The following COL6A2 variants were observed in gnomAD, a reference collection of about 807,000 sequenced individuals.
COL6A2 encodes the protein collagen alpha-2(VI) chain.
Under a neutral mutation model 124.9 loss-of-function variants are expected in COL6A2, and 90 were observed. That is an observed-to-expected ratio of 0.72 (90% CI 0.61 to 0.86). COL6A2 has a LOEUF of 0.86. Ranked by LOEUF, COL6A2 falls within the 40% of genes least tolerant of loss-of-function variation. The probability of loss-of-function intolerance (pLI) is 0.00; values close to 1 mark genes in which losing one functional copy is unlikely to be tolerated. For missense variants in COL6A2, 1,607 were observed against 1,502.5 expected (o/e 1.07, Z -1.15); for synonymous variants, 793 against 618.2 (o/e 1.28, Z -4.19).
At chr21:46,119,286 A>AC (rs971345409) in intron 14 of COL6A2, among the ~76,000 whole-genome samples, 167 bp downstream of exon 14, 4 of 151,826 alleles carry the variant, frequency 2.6e-5, no homozygotes, top group Non-Finnish European at 5.9e-5. Context: ...ACCCCACGGG[A>AC]CCCCCCAGAG....
At chr21:46,130,837 A>G (rs2078750940) in intron 27 of COL6A2, among the ~76,000 whole-genome samples, 1 of 152,162 alleles carries the variant, frequency 6.6e-6, no homozygotes, top group African/African-American at 2.4e-5. Flanking sequence ...CCTTTCACTG[A>G]ATGAGCTGCG....
At chr21:46,123,960 G>C (rs1050323068) in intron 21 of COL6A2, among the ~76,000 whole-genome samples, 31 of 148,820 alleles carry the variant, frequency 2.1e-4, no homozygotes, top group African/African-American at 7.3e-4. Flanking sequence ...TGAGTGGATA[G>C]ATGGGTATGT....
Position 46,116,017 on chromosome 21 carries a change from G to A in COL6A2, c.864G>A (p.Pro288=), listed in dbSNP as rs375307603. ...TGCGTTGTCCTTCACAGGGAGACCC[G>A]GGCATCGAAGGCCCCATTGGATTCC... ...EPGQKGRQGD[P]GIEGPIGFPG... The change falls in exon 7 of 28, where the codon CCG becomes CCA. Residue 288 remains proline, a synonymous_variant. Coordinates refer to ENST00000300527, the MANE Select transcript of COL6A2 (RefSeq NM_001849.4). This position sits in a 1 kb window ranked among gnomAD's most constrained non-coding sequence, Gnocchi z 4.6. 3.9e-5 allele frequency: 62 copies of A among 1,606,566 alleles called. No individual in the cohort carries two copies. The East Asian group carries it at 9.2e-4, about 24-fold the overall frequency.
rs914626259 is a variant in COL6A2, at chr21:46,116,327, G to A, written c.901-50G>A. 2 of 1,606,896 alleles carry A rather than the reference G, an allele frequency of 1.2e-6. No homozygotes were observed. The highest frequency in any genetic ancestry group is 3.3e-4 in the Middle Eastern group (2 of 6,058). ...CTGCAGGGCTGGCCCTTCCCTGCCT[G>A]TGTCTCTGCAGAGCTCCTCACTAAT... On this transcript the variant is annotated intron_variant, in intron 7 of 27. Coordinates refer to ENST00000300527, the MANE Select transcript of COL6A2 (RefSeq NM_001849.4). The surrounding 1 kb of genome is among the most constrained non-coding windows in gnomAD (Gnocchi z 4.6).
At position 46,116,835 on chromosome 21, in the gene COL6A2, A is replaced by G. The variant is rs201951823; in HGVS notation, c.999+21A>G. 130 of 1,612,646 alleles carry G rather than the reference A, an allele frequency of 8.1e-5. No individual in the cohort carries two copies. In the African/African-American group the frequency reaches 1.6e-3, roughly 20 times the overall value. Reference sequence around the variant, plus strand: ...AGAAGGTAGAGGGAGCCTCGGGCTCACAGCTGGACTGGTCTCACAGAGGCA... The same window carrying G: ...AGAAGGTAGAGGGAGCCTCGGGCTCGCAGCTGGACTGGTCTCACAGAGGCA... On this transcript the variant is annotated intron_variant, in intron 10 of 27. Transcript: ENST00000300527. The surrounding 1 kb of genome is among the most constrained non-coding windows in gnomAD (Gnocchi z 4.6).
intron 10 of COL6A2, among the ~76,000 whole-genome samples, 179 bp from the exon 11 acceptor site, chr21:46,117,221 C>T (rs2078486145): frequency 6.6e-6 from 1 of 152,244 alleles, no homozygotes; most frequent in Non-Finnish European, 1.5e-5. Flanking sequence ...TGCACAACGG[C>T]CACTCTGCCT....
At position 46,132,579 on chromosome 21, in the gene COL6A2, G is replaced by C; in HGVS notation, c.*27G>C. 1 of 1,564,990 alleles carries C rather than the reference G, an allele frequency of 6.4e-7. No individual in the cohort carries two copies. Among genetic ancestry groups the C allele is most frequent in the South Asian group, 1.1e-5 (1 of 87,124 alleles). On this transcript the variant is annotated 3_prime_UTR_variant, in exon 28 of 28. Coordinates refer to ENST00000300527, the MANE Select transcript of COL6A2 (RefSeq NM_001849.4). Reference sequence around the variant, plus strand: ...GCCGCCGCCCGGGCCCCGCAGTCGAGGGTCGTGAGCCCACCCCGTCCATGG... The same window carrying C: ...GCCGCCGCCCGGGCCCCGCAGTCGACGGTCGTGAGCCCACCCCGTCCATGG...
intron 21 of COL6A2, among the ~76,000 whole-genome samples, chr21:46,124,247 G>GGAT (rs1433613366): frequency 1.3e-5 from 2 of 151,560 alleles, no homozygotes; most frequent in Non-Finnish European, 2.9e-5. Context: ...CTGGGTGGAT[G>GGAT]GATGGATGGG....
Position 46,132,672 on chromosome 21 carries a change from C to A in COL6A2, c.*120C>A. 9.7e-7 allele frequency: 1 copy of A among 1,031,778 alleles called. No individual in the cohort carries two copies. Among genetic ancestry groups the A allele is most frequent in the Non-Finnish European group, 1.4e-6 (1 of 693,690 alleles). The allele number at this position is 1,031,778 out of a possible 1,614,324, so 63.9% of individuals were successfully genotyped here. On this transcript the variant is annotated 3_prime_UTR_variant, in exon 28 of 28. Transcript: ENST00000300527. ...ACTCGGACGACGCCCTGGGCCTGCA[C>A]CTCTCCAGCTCCTCCCACGGGGTCC...
intron 21 of COL6A2, among the ~76,000 whole-genome samples, chr21:46,123,613 A>C (rs1601242441): frequency 6.6e-6 from 1 of 150,694 alleles, no homozygotes; most frequent in Non-Finnish European, 1.5e-5. Context: ...GGATGAATGG[A>C]TGGATTGCTG....
Position 46,107,927 on chromosome 21 carries a change from C to CT in COL6A2, c.-27-3522dup, listed in dbSNP as rs568983263. Among the ~76,000 whole-genome samples, 430 of 152,268 alleles carry CT rather than the reference C, an allele frequency of 2.8e-3. 1 individual carries two copies. Among genetic ancestry groups the CT allele is most frequent in the African/African-American group, 0.01 (421 of 41,564 alleles). ...ACATGTTCTCAGGACCTCCTAAGGG[C>CT]TGTGTCATGGGTCATGGCCACTCAT... On this transcript the variant is annotated intron_variant, in intron 1 of 27. Coordinates refer to ENST00000300527, the MANE Select transcript of COL6A2 (RefSeq NM_001849.4).
At position 46,132,508 on chromosome 21, in the gene COL6A2, G is replaced by A. The variant is rs1329172134; in HGVS notation, c.3016G>A (p.Ala1006Thr). 6.2e-7 allele frequency: 1 copy of A among 1,607,096 alleles called. No individual in the cohort carries two copies. The highest frequency in any genetic ancestry group is 8.5e-7 in the Non-Finnish European group (1 of 1,179,384). The change falls in exon 28 of 28, where the codon GCG becomes ACG. Residue 1006 changes from alanine to threonine, a missense_variant. Transcript: ENST00000300527. ...CCACGAGAAGGACTATGACAGCCTG[G>A]CGCAACCCGGCTTCTTCGACCGCTT... ...VFHEKDYDSL[A>T]QPGFFDRFIR... is the part of the protein sequence containing the mutation.
intron 20 of COL6A2, 90 bp downstream of exon 20, chr21:46,122,621 G>A: frequency 1.4e-6 from 2 of 1,425,272 alleles, no homozygotes; most frequent in Non-Finnish European, 2.0e-6. Context: ...GTCACTGACA[G>A]GACCACCCCT....
intron 27 of COL6A2, among the ~76,000 whole-genome samples, chr21:46,131,309 T>TGCCCAGGGCTGGTGACC (rs1255530476): frequency 2.0e-5 from 3 of 152,214 alleles, no homozygotes; most frequent in Admixed American, 6.5e-5. Context: ...CTGTCCCCGA[T>TGCCCAGGGCTGGTGACC]GCCCAGGGCT....
intron 27 of COL6A2, 58 bp from the exon 28 acceptor site, chr21:46,131,896 A>G (rs1601266249): frequency 6.7e-7 from 1 of 1,482,594 alleles, no homozygotes; most frequent in East Asian, 2.5e-5. Flanking sequence ...CGGGGCTGGC[A>G]CCTGCCCGGT....
chr21:46,117,471 C>T lies in COL6A2; in HGVS notation c.1053+18C>T. On this transcript the variant is annotated intron_variant, in intron 11 of 27. Transcript: ENST00000300527. Reference sequence around the variant, plus strand: ...GAAACCGGGTAAGGGCCGTTTGCACCCCTCCTTCAGCCTCGGCCCAGGGGG... The same window carrying T: ...GAAACCGGGTAAGGGCCGTTTGCACTCCTCCTTCAGCCTCGGCCCAGGGGG... The T allele has an allele frequency of 1.9e-6, 3 of 1,611,982 alleles. No homozygotes were observed. The highest frequency in any genetic ancestry group is 1.3e-5 in the African/African-American group (1 of 75,014).
chr21:46,129,456 G>T (rs770153478), intron 27 of COL6A2: 17 of 1,601,364 alleles, frequency 1.1e-5, no homozygotes, highest in African/African-American at 1.3e-5. Context: ...CAGGGACATC[G>T]TGGGGGACCC....
chr21:46,132,768 C>A lies in COL6A2; in HGVS notation c.*216C>A. 1.7e-6 allele frequency: 1 copy of A among 596,052 alleles called. No individual in the cohort carries two copies. Among genetic ancestry groups the A allele is most frequent in the East Asian group, 2.8e-5 (1 of 35,576 alleles). The allele number at this position is 596,052 out of a possible 1,614,324, so 36.9% of individuals were successfully genotyped here. A position where few individuals can be genotyped will look rare whatever the true frequency, so the allele number is the denominator to read the frequency against. On this transcript the variant is annotated 3_prime_UTR_variant, in exon 28 of 28. Coordinates refer to ENST00000300527, the MANE Select transcript of COL6A2 (RefSeq NM_001849.4). ...CGCAGGCTGCCCGGCCTCCCTCCCC[C>A]TGCAGCCATCCCAAGGCTCCTGACC...
rs16978913 is a variant in COL6A2 at position 46,131,680 on chromosome 21, G to A, written c.2462-274G>A. ...CAGGAGGGCAGCCTGTGCAGGGATG[G>A]TGCTCAGCAGGTGGACAGGGCCTGG... On this transcript the variant is annotated intron_variant, in intron 27 of 27. Transcript: ENST00000300527. Among the ~76,000 whole-genome samples, 4,559 of 152,266 alleles carry A rather than the reference G, an allele frequency of 0.03. 227 individuals carry two copies. The highest frequency in any genetic ancestry group is 0.1 in the African/African-American group (4,340 of 41,536).
Sources: allele counts gnomAD v4.1 joint callset (sites outside exome capture counted in the v4.1 genomes callset), GRCh38; gene constraint gnomAD v4.1.1; non-coding constraint Gnocchi (gnomAD v3.1); transcripts MANE v1.5; gene names NCBI Gene and HGNC (gene_info 2026-07-23, HGNC 2026-07-21).